The following DLC1 variants were observed in gnomAD, a reference collection of about 807,000 sequenced individuals.
DLC1 encodes the protein rho GTPase-activating protein 7.
A neutral mutation model predicts 140.3 loss-of-function variants in DLC1; 54 were observed. The observed-to-expected ratio is 0.38, with a 90% CI of 0.31 to 0.48. The LOEUF is 0.48. Ranked by LOEUF, DLC1 falls within the 20% of genes least tolerant of loss-of-function variation. The probability of loss-of-function intolerance (pLI) is 0.96; values close to 1 mark genes in which losing one functional copy is unlikely to be tolerated. For synonymous variants in DLC1, 986 were observed against 728.1 expected (o/e 1.35, Z -5.70); for missense variants, 2,536 against 1,907.0 (o/e 1.33, Z -6.14).
At chr8:13,148,333 G>C (rs747019397) in intron 5 of DLC1, among the ~76,000 whole-genome samples, 2 of 152,042 alleles carry the variant, frequency 1.3e-5, no homozygotes, top group Non-Finnish European at 2.9e-5. Context: ...CCTTCTTTGT[G>C]TCCATAAGTT....
At chr8:13,426,962 G>A (rs928945731) in intron 2 of DLC1, among the ~76,000 whole-genome samples, 2 of 152,080 alleles carry the variant, frequency 1.3e-5, no homozygotes, top group East Asian at 3.9e-4. Flanking sequence ...CCTATAACTT[G>A]CCGTGCTTAA....
intron 7 of DLC1, among the ~76,000 whole-genome samples, chr8:13,105,530 CCA>C (rs1819490613): frequency 6.6e-6 from 1 of 151,874 alleles, no homozygotes; most frequent in African/African-American, 2.4e-5. Context: ...TTGTCTAAGT[CCA>C]CACGATTAAA....
intron 5 of DLC1, among the ~76,000 whole-genome samples, chr8:13,292,872 T>C (rs1831814002): frequency 6.6e-6 from 1 of 152,156 alleles, no homozygotes; most frequent in East Asian, 1.9e-4. Flanking sequence ...CTATTGAAAA[T>C]ATCAAATAGT....
intron 5 of DLC1, among the ~76,000 whole-genome samples, chr8:13,201,920 G>GCTTTTTT (rs1563160592): frequency 2.3e-5 from 3 of 132,404 alleles, no homozygotes; most frequent in African/African-American, 9.3e-5. Context: ...GTACCCAAAA[G>GCTTTTTT]GTTTTTTTTT....
chr8:13,255,931 T>C (rs1261249809), intron 5 of DLC1, among the ~76,000 whole-genome samples: 1 of 152,230 alleles, frequency 6.6e-6, no homozygotes, highest in Non-Finnish European at 1.5e-5. Flanking sequence ...CTGTATGCTA[T>C]ATCATTTTGC....
chr8:13,487,015 CA>C (rs1361797433), intron 2 of DLC1, among the ~76,000 whole-genome samples: 27 of 152,138 alleles, frequency 1.8e-4, no homozygotes, highest in Admixed American at 1.0e-3. Context: ...TGGGGTGAGG[CA>C]AATTATCCAC....
intron 1 of DLC1, among the ~76,000 whole-genome samples, chr8:13,505,774 A>G (rs944463171): frequency 1.3e-5 from 2 of 151,864 alleles, no homozygotes; most frequent in African/African-American, 4.8e-5. Context: ...TCCTTCCCTA[A>G]CTCTCCTGGG....
intron 5 of DLC1, among the ~76,000 whole-genome samples, chr8:13,203,350 T>C (rs1448210161): frequency 6.6e-6 from 1 of 152,160 alleles, no homozygotes; most frequent in African/African-American, 2.4e-5. Context: ...AAATAATGAA[T>C]AGGGAATTTC....
At chr8:13,408,535 G>T (rs907117009) in intron 2 of DLC1, among the ~76,000 whole-genome samples, 1 of 152,212 alleles carries the variant, frequency 6.6e-6, no homozygotes, top group Non-Finnish European at 1.5e-5. Flanking sequence ...TATTGATACA[G>T]CTCGTCCTGA....
intron 5 of DLC1, among the ~76,000 whole-genome samples, chr8:13,249,642 CTT>C (rs1311973279): frequency 1.3e-5 from 2 of 152,188 alleles, no homozygotes; most frequent in African/African-American, 2.4e-5. Context: ...CTTTCTCTCT[CTT>C]TCTCTTTCTG....
At chr8:13,349,864 A>G (rs942786638) in intron 4 of DLC1, among the ~76,000 whole-genome samples, 3 of 152,192 alleles carry the variant, frequency 2.0e-5, no homozygotes, top group Non-Finnish European at 2.9e-5. Context: ...TGCACTTTAG[A>G]TATTATGGGT....
intron 1 of DLC1, among the ~76,000 whole-genome samples, chr8:13,581,662 C>G (rs986650103): frequency 6.6e-6 from 1 of 152,142 alleles, no homozygotes; most frequent in African/African-American, 2.4e-5. Flanking sequence ...ACCCTGTAAT[C>G]CAGTCTACAT....
intron 2 of DLC1, among the ~76,000 whole-genome samples, chr8:13,481,649 T>G (rs190414196): frequency 2.0e-4 from 31 of 152,340 alleles, no homozygotes. Flanking sequence ...TACTGTTATA[T>G]GAAACTGTGC....
At chr8:13,090,843 T>G (rs1818001732) in intron 14 of DLC1, among the ~76,000 whole-genome samples, 1 of 150,690 alleles carries the variant, frequency 6.6e-6, no homozygotes, top group African/African-American at 2.4e-5. Flanking sequence ...TTTCATTCTG[T>G]TACCTAGTGG....
chr8:13,549,183 G>A (rs1471537038), intron 1 of DLC1, among the ~76,000 whole-genome samples: 1 of 151,956 alleles, frequency 6.6e-6, no homozygotes, highest in Non-Finnish European at 1.5e-5. Context: ...AATTAAATCA[G>A]GTTGCTCAAG....
intron 2 of DLC1, among the ~76,000 whole-genome samples, chr8:13,410,037 G>C (rs996464866): frequency 6.6e-6 from 1 of 152,020 alleles, no homozygotes; most frequent in African/African-American, 2.4e-5. Context: ...GTCTCACCTA[G>C]GGTAATTCCA....
chr8:13,396,197 T>C (rs1324341290), intron 3 of DLC1, among the ~76,000 whole-genome samples: 1 of 151,714 alleles, frequency 6.6e-6, no homozygotes, highest in Non-Finnish European at 1.5e-5. Context: ...GTAGCTGGGA[T>C]TACAGGCGCC....
intron 5 of DLC1, among the ~76,000 whole-genome samples, chr8:13,185,122 C>CTGTTT (rs1385667383): frequency 1.2e-5 from 1 of 84,568 alleles, no homozygotes; most frequent in African/African-American, 5.2e-5. Context: ...GCAACCCCTG[C>CTGTTT]TTTTTTTTTT....
At chr8:13,168,623 G>T (rs192885908) in intron 5 of DLC1, among the ~76,000 whole-genome samples, 82 of 152,312 alleles carry the variant, frequency 5.4e-4, no homozygotes, top group Non-Finnish European at 1.0e-3. Context: ...TTTGTCTTTT[G>T]TTCTGAGATG....
Sources: gnomAD v4.1 joint callset for allele counts (sites outside exome capture counted in the v4.1 genomes callset) on GRCh38, gnomAD v4.1.1 for gene constraint, MANE v1.5 for transcripts, NCBI Gene and HGNC (gene_info 2026-07-23, HGNC 2026-07-21) for gene names.